Variants in USP37 observed in about 807,000 individuals in gnomAD.
USP37 encodes the protein ubiquitin specific peptidase 37.
USP37 carries 27 observed loss-of-function variants against 124.0 expected under a neutral mutation model. The ratio of observed to expected loss-of-function variants is 0.22; its 90% CI spans 0.16 to 0.30. The LOEUF (loss-of-function observed/expected upper bound fraction) is 0.30. Among genes scored for constraint, USP37 ranks in the 10% least tolerant of loss-of-function variants. The probability of loss-of-function intolerance (pLI) is 1.00; values close to 1 mark genes in which losing one functional copy is unlikely to be tolerated. For synonymous variants in USP37, 365 were observed against 388.0 expected (o/e 0.94, Z 0.70); for missense variants, 889 against 1,140.4 (o/e 0.78, Z 3.17).
chr2:218,471,483 C>G (rs1690688189), intron 20 of USP37, among the ~76,000 whole-genome samples: 1 of 152,138 alleles, frequency 6.6e-6, no homozygotes, highest in Non-Finnish European at 1.5e-5. Flanking sequence ...TTACTATAGC[C>G]TCACAAACTG....
At chr2:218,489,450 T>C (rs1691790563) in intron 14 of USP37, among the ~76,000 whole-genome samples, 3 of 151,866 alleles carry the variant, frequency 2.0e-5, no homozygotes, top group Non-Finnish European at 4.4e-5. Context: ...CCTTTTCCAA[T>C]CACTACCCTC....
At chr2:218,481,519 C>T (rs1691268115) in intron 17 of USP37, among the ~76,000 whole-genome samples, 1 of 152,096 alleles carries the variant, frequency 6.6e-6, no homozygotes, top group South Asian at 2.1e-4. Flanking sequence ...AGCACTCTAA[C>T]CAAGAGCACT....
intron 10 of USP37, among the ~76,000 whole-genome samples, chr2:218,521,735 T>A (rs1690632991): frequency 6.6e-6 from 1 of 152,226 alleles, no homozygotes; most frequent in African/African-American, 2.4e-5. Context: ...GTCTGGATCC[T>A]ACACTAATTT....
chr2:218,486,244 C>T (rs1691552583), intron 15 of USP37: 1 of 152,410 alleles, frequency 6.6e-6, no homozygotes, highest in Non-Finnish European at 1.5e-5. Flanking sequence ...GGGGTGAATA[C>T]CATTACCTAG....
rs1323794066 is a variant in USP37, at chr2:218,459,829, G to A, written c.2604C>T (p.Tyr868=). The A allele has an allele frequency of 1.2e-6, 2 of 1,613,800 alleles. No individual in the cohort carries two copies. Among genetic ancestry groups the A allele is most frequent in the East Asian group, 2.2e-5 (1 of 44,868 alleles). ...SGNEDVFDME[Y]TEAEAEELKR... is the part of the protein sequence containing the mutation. ...TCAGTTCCTCAGCTTCAGCTTCTGT[G>A]TACTCCATATCAAAAACATCCTCAT... The change falls in exon 23 of 26, where the codon TAC becomes TAT. Residue 868 remains tyrosine, a synonymous_variant. Transcript: ENST00000258399.
At chr2:218,534,414 G>A (rs775148833) in intron 9 of USP37, among the ~76,000 whole-genome samples, 195 bp downstream of exon 9, 46 of 152,154 alleles carry the variant, frequency 3.0e-4, no homozygotes, top group South Asian at 1.5e-3. Context: ...ACTTGAACCC[G>A]GGAGGCAGAG....
intron 22 of USP37, among the ~76,000 whole-genome samples, chr2:218,461,503 T>A (rs1023955776): frequency 1.4e-5 from 2 of 140,520 alleles, no homozygotes; most frequent in Admixed American, 7.4e-5. Flanking sequence ...AGAAACTCCA[T>A]CTCAAAAGAA....
chr2:218,450,553 CAAT>C lies in USP37; in HGVS notation c.*4374_*4376del, dbSNP rs1190211733. On this transcript the variant is annotated 3_prime_UTR_variant, in exon 26 of 26. Coordinates refer to ENST00000258399, the MANE Select transcript of USP37 (RefSeq NM_020935.3). ...TCTCTCCTTAAGTTTAAAGAAACAA[CAAT>C]GACAATAGGCCAGAGAAGTTAGGGA... 4 of 152,568 alleles carry C rather than the reference CAAT, an allele frequency of 2.6e-5. No individual in the cohort carries two copies. The highest frequency in any genetic ancestry group is 3.8e-4 in the East Asian group (2 of 5,208). The allele number at this position is 152,568 out of a possible 1,614,324, so 9.5% of individuals were successfully genotyped here.
At chr2:218,459,644 T>C (rs1039591410) in intron 23 of USP37, 146 bp downstream of exon 23, 26 of 576,480 alleles carry the variant, frequency 4.5e-5, no homozygotes, top group Non-Finnish European at 7.3e-5. Context: ...GAACAGCAAA[T>C]GACAAGAGAA....
intron 14 of USP37, among the ~76,000 whole-genome samples, chr2:218,489,078 C>T (rs1444247032): frequency 6.6e-6 from 1 of 151,822 alleles, no homozygotes; most frequent in African/African-American, 2.4e-5. Context: ...AGAAACAGGG[C>T]CAGGTGTGGT....
chr2:218,562,634 C>T, intron 2 of USP37, 39 bp downstream of exon 2: 1 of 398,056 alleles, frequency 2.5e-6, no homozygotes, highest in Non-Finnish European at 4.4e-6. Context: ...AGATTGCATG[C>T]TCTTTGAAAC....
intron 8 of USP37, among the ~76,000 whole-genome samples, chr2:218,535,967 G>A (rs1369005746): frequency 7.3e-6 from 1 of 137,392 alleles, no homozygotes; most frequent in Non-Finnish European, 1.5e-5. Context: ...AGTGAGCCAG[G>A]GATCACGCCA....
At position 218,487,510 on chromosome 2, in the gene USP37, T is replaced by TC. The variant is rs553169397; in HGVS notation, c.1590+793dup. ...ATCTTGGCTCACTGCAACCTCCCACTCCCAGGTTCAAGTGATTTTCCTGCC... is the reference window on the plus strand; with the variant it reads ...ATCTTGGCTCACTGCAACCTCCCACTCCCCAGGTTCAAGTGATTTTCCTGCC... On this transcript the variant is annotated intron_variant, in intron 15 of 25. Transcript: ENST00000258399. Among the ~76,000 whole-genome samples, 39 of 152,224 alleles carry TC rather than the reference T, an allele frequency of 2.6e-4. No homozygotes were observed. The South Asian group carries it at 7.7e-3, about 30-fold the overall frequency.
rs1180209972 is a variant in USP37, at chr2:218,452,721, G to A, written c.*2209C>T. The stretch of plus-strand genomic sequence containing the variant: ...AGCAATTCAAATGAGGCTGCTTCAT[G>A]AGGCAATCTAGACTTATGGCATTAT... On this transcript the variant is annotated 3_prime_UTR_variant, in exon 26 of 26. Coordinates refer to ENST00000258399, the MANE Select transcript of USP37 (RefSeq NM_020935.3). 1 of 152,234 alleles carries A rather than the reference G, an allele frequency of 6.6e-6. No homozygotes were observed. Among genetic ancestry groups the A allele is most frequent in the African/African-American group, 2.4e-5 (1 of 41,458 alleles). 9.4% of individuals were successfully genotyped at this position (152,234 alleles called of 1,614,324 possible). A position where few individuals can be genotyped will look rare whatever the true frequency, so the allele number is the denominator to read the frequency against.
chr2:218,562,566 A>C, intron 2 of USP37, 107 bp downstream of exon 2: 27 of 377,476 alleles, frequency 7.2e-5, no homozygotes, highest in South Asian at 1.5e-4. Context: ...TAAATAAAGT[A>C]TGGCCAAAAC....
intron 7 of USP37, 95 bp downstream of exon 7, chr2:218,546,824 C>G (rs1574951835): frequency 1.4e-6 from 2 of 1,394,548 alleles, no homozygotes; most frequent in East Asian, 4.6e-5. Context: ...AAAATGTACT[C>G]TATACTTTAT....
At chr2:218,467,186 T>C (rs1390408321) in intron 20 of USP37, among the ~76,000 whole-genome samples, 1 of 142,904 alleles carries the variant, frequency 7.0e-6, no homozygotes, top group Admixed American at 7.0e-5. Context: ...CCTCCTCCCT[T>C]CCCCCTCCCC....
rs149538140 is a variant in USP37, at chr2:218,558,626, T to C, written c.28A>G (p.Ile10Val). 6.2e-7 allele frequency: 1 copy of C among 1,611,722 alleles called. No homozygotes were observed. Among genetic ancestry groups the C allele is most frequent in the Non-Finnish European group, 8.5e-7 (1 of 1,179,108 alleles). The stretch of plus-strand genomic sequence containing the variant: ...CCAGTCTGCATACTTCGAATTCTGA[T>C]AGGACCATGTATCTTCAGAGGAGAC... MSPLKIHGP[I>V]RIRSMQTGIT... The change falls in exon 4 of 26, where the codon ATC becomes GTC. Residue 10 changes from isoleucine to valine, a missense_variant. By Grantham distance (29) the Ile-to-Val change is conservative (BLOSUM62 3). Around this residue, in one of 3 missense-constraint regions of USP37, gnomAD observed 374 missense variants for 386.0 expected, o/e 0.97. Coordinates refer to ENST00000258399, the MANE Select transcript of USP37 (RefSeq NM_020935.3).
chr2:218,480,410 A>AT (rs1226654509), intron 17 of USP37, among the ~76,000 whole-genome samples: 1 of 151,236 alleles, frequency 6.6e-6, no homozygotes, highest in Non-Finnish European at 1.5e-5. Context: ...AAAAAAAAAA[A>AT]AAAAAAAAAA....
Sources: allele counts gnomAD v4.1 joint callset (sites outside exome capture counted in the v4.1 genomes callset), GRCh38; gene constraint gnomAD v4.1.1; regional missense constraint gnomAD v4.1.1; transcripts MANE v1.5; gene names NCBI Gene and HGNC (gene_info 2026-07-23, HGNC 2026-07-21).